Variants in RBFOX1 observed in about 807,000 individuals in gnomAD.
RBFOX1 encodes RNA binding fox-1 homolog 1.
A neutral mutation model predicts 57.7 loss-of-function variants in RBFOX1; 8 were observed. That is an observed-to-expected ratio of 0.14 (90% confidence interval 0.08 to 0.25). The LOEUF (loss-of-function observed/expected upper bound fraction) is 0.25. RBFOX1 is among the 10% of genes least tolerant of loss of function. The pLI is 1.00. For missense variants in RBFOX1, 611 were observed against 548.5 expected, an observed-to-expected ratio of 1.11 and a Z score of -1.14; for synonymous variants, 326 against 222.4, an observed-to-expected ratio of 1.47 and a Z score of -4.15.
chr16:7,568,306 G>C (rs182807012), intron 5 of RBFOX1, among the ~76,000 whole-genome samples: 103 of 152,254 alleles, frequency 6.8e-4, no homozygotes, highest in African/African-American at 2.3e-3. Flanking sequence ...TCTGGGAAAG[G>C]GTTGGGCAAT....
intron 4 of RBFOX1, among the ~76,000 whole-genome samples, chr16:7,498,646 A>G (rs2069527419): frequency 6.6e-6 from 1 of 152,228 alleles, no homozygotes; most frequent in African/African-American, 2.4e-5. Context: ...TTTCTCTTGT[A>G]TGACGTCTCT....
At chr16:6,062,621 T>TATATATATAACATATACATATA (rs2095702850) in intron 1 of RBFOX1, among the ~76,000 whole-genome samples, 1 of 147,712 alleles carries the variant, frequency 6.8e-6, no homozygotes, top group Non-Finnish European at 1.5e-5. Context: ...AATATATAAA[T>TATATATATAACATATACATATA]ATATATAACA....
intron 3 of RBFOX1, among the ~76,000 whole-genome samples, chr16:5,774,703 G>A (rs1368729842): frequency 6.6e-6 from 1 of 152,094 alleles, no homozygotes; most frequent in African/African-American, 2.4e-5. Context: ...TAGTTTTTTA[G>A]ATAAAGTCTC....
chr16:6,353,974 C>A (rs890003919), intron 2 of RBFOX1, among the ~76,000 whole-genome samples: 1 of 152,138 alleles, frequency 6.6e-6, no homozygotes, highest in Non-Finnish European at 1.5e-5. Flanking sequence ...AGTCCCAGTA[C>A]TTTGGGACGC....
intron 4 of RBFOX1, among the ~76,000 whole-genome samples, chr16:7,484,606 G>A (rs1252966235): frequency 6.6e-6 from 1 of 152,138 alleles, no homozygotes; most frequent in Non-Finnish European, 1.5e-5. Context: ...GCGACTACAG[G>A]CGCCCACTAC....
At chr16:6,870,367 G>T (rs1474250841) in intron 3 of RBFOX1, among the ~76,000 whole-genome samples, 3 of 152,052 alleles carry the variant, frequency 2.0e-5, no homozygotes, top group Non-Finnish European at 4.4e-5. Context: ...GCTCCTATTG[G>T]ATTTTCACAT....
At chr16:6,217,420 G>T (rs948392045) in intron 1 of RBFOX1, among the ~76,000 whole-genome samples, 1 of 152,136 alleles carries the variant, frequency 6.6e-6, no homozygotes. Context: ...TTGAGAAAAC[G>T]TGATAATCAA....
chr16:5,726,563 C>G (rs1303186946), intron 3 of RBFOX1, among the ~76,000 whole-genome samples: 1 of 152,200 alleles, frequency 6.6e-6, no homozygotes, highest in Non-Finnish European at 1.5e-5. Flanking sequence ...TGTCCATAGC[C>G]TGGAGTCCAG....
At chr16:6,367,014 C>T (rs755831574) in intron 2 of RBFOX1, among the ~76,000 whole-genome samples, 2 of 152,182 alleles carry the variant, frequency 1.3e-5, no homozygotes, top group Non-Finnish European at 2.9e-5. Flanking sequence ...CTTCCTTATG[C>T]TGCCCATTGG....
intron 4 of RBFOX1, among the ~76,000 whole-genome samples, chr16:7,279,701 C>A (rs1307429606): frequency 2.0e-5 from 3 of 152,222 alleles, no homozygotes; most frequent in Admixed American, 6.5e-5. Flanking sequence ...GCAGACCAGG[C>A]ATAATGGGCG....
chr16:5,425,499 C>G (rs1308923914), intron 1 of RBFOX1, among the ~76,000 whole-genome samples: 1 of 152,174 alleles, frequency 6.6e-6, no homozygotes, highest in Non-Finnish European at 1.5e-5. Flanking sequence ...AGTTGATGAC[C>G]TCCAGGGAAA....
At chr16:5,791,553 A>G (rs1253970466) in intron 3 of RBFOX1, among the ~76,000 whole-genome samples, 1 of 152,136 alleles carries the variant, frequency 6.6e-6, no homozygotes, top group African/African-American at 2.4e-5. Flanking sequence ...GCAGCACACA[A>G]AAGTCTGTGT....
intron 3 of RBFOX1, among the ~76,000 whole-genome samples, chr16:6,911,603 C>T (rs1596992090): frequency 2.0e-5 from 3 of 152,294 alleles, no homozygotes; most frequent in Admixed American, 2.0e-4. Context: ...TGTAAAGACC[C>T]TGCTTCCAAA....
At chr16:6,633,851 AT>A (rs1388594592) in intron 2 of RBFOX1, among the ~76,000 whole-genome samples, 20 of 152,166 alleles carry the variant, frequency 1.3e-4, no homozygotes, top group Admixed American at 4.6e-4. Flanking sequence ...CTATAAAAAA[AT>A]AAAAATAAAT....
intron 3 of RBFOX1, among the ~76,000 whole-genome samples, chr16:7,029,736 C>A (rs913857280): frequency 3.9e-5 from 6 of 152,136 alleles, no homozygotes; most frequent in African/African-American, 9.7e-5. Flanking sequence ...CATGGTGTAA[C>A]CACTATTAAT....
intron 14 of RBFOX1, among the ~76,000 whole-genome samples, chr16:7,704,658 G>A (rs1244454182): frequency 6.6e-6 from 1 of 152,170 alleles, no homozygotes; most frequent in Non-Finnish European, 1.5e-5. Context: ...GTTCCAGGAG[G>A]GTGAAAGGTA....
At chr16:6,356,783 A>G (rs960211048) in intron 2 of RBFOX1, among the ~76,000 whole-genome samples, 6 of 152,202 alleles carry the variant, frequency 3.9e-5, no homozygotes, top group African/African-American at 9.6e-5. Context: ...TAAGGTGTCA[A>G]TATCGGTTTA....
At chr16:5,494,448 A>T (rs1191805684) in intron 2 of RBFOX1, among the ~76,000 whole-genome samples, 2 of 152,194 alleles carry the variant, frequency 1.3e-5, no homozygotes, top group Non-Finnish European at 2.9e-5. Flanking sequence ...TTTGGCAATG[A>T]TGAATTACTC....
intron 2 of RBFOX1, among the ~76,000 whole-genome samples, chr16:5,573,118 T>C (rs2046341018): frequency 6.6e-6 from 1 of 152,002 alleles, no homozygotes; most frequent in South Asian, 2.1e-4. Context: ...ATGACGAGAA[T>C]TGGGAGGTTC....
Sources: allele counts gnomAD v4.1 joint callset (sites outside exome capture counted in the v4.1 genomes callset), GRCh38; gene constraint gnomAD v4.1.1; transcripts MANE v1.5; gene names NCBI Gene and HGNC (gene_info 2026-07-23, HGNC 2026-07-21).